Variants in LUZP2 observed in about 807,000 individuals in gnomAD.
The protein encoded by LUZP2 is leucine zipper protein 2.
A neutral mutation model predicts 51.6 loss-of-function variants in LUZP2; 52 were observed. The observed-to-expected ratio is 1.01, with a 90% CI of 0.81 to 1.27. LUZP2 has a LOEUF of 1.27. Among genes scored for constraint, LUZP2 ranks in the 50% most tolerant of loss-of-function variants. The pLI is 0.00. For missense variants in LUZP2, 436 were observed against 395.4 expected (o/e 1.10, Z -0.87); for synonymous variants, 154 against 137.3 (o/e 1.12, Z -0.85).
chr11:24,691,669 G>T (rs1857070330), intron 1 of LUZP2, among the ~76,000 whole-genome samples: 1 of 151,944 alleles, frequency 6.6e-6, no homozygotes, highest in African/African-American at 2.4e-5. Context: ...AAGAAAAAGA[G>T]CAAAGAGTAC....
intron 1 of LUZP2, among the ~76,000 whole-genome samples, chr11:24,526,178 T>C (rs1188745794): frequency 6.6e-6 from 1 of 150,900 alleles, no homozygotes; most frequent in Non-Finnish European, 1.5e-5. Flanking sequence ...CATTCTGCTA[T>C]GAAGTGCTCC....
intron 1 of LUZP2, among the ~76,000 whole-genome samples, chr11:24,576,710 TC>T (rs1416915797): frequency 6.6e-6 from 1 of 152,064 alleles, no homozygotes; most frequent in African/African-American, 2.4e-5. Flanking sequence ...ATAGTAATTT[TC>T]TTTTATAATG....
intron 7 of LUZP2, among the ~76,000 whole-genome samples, chr11:24,958,021 G>T (rs545490719): frequency 6.6e-6 from 1 of 152,054 alleles, no homozygotes; most frequent in South Asian, 2.1e-4. Flanking sequence ...TTGTTCTTGC[G>T]ATAGTTTACT....
chr11:24,533,576 GT>G (rs1178363441), intron 1 of LUZP2, among the ~76,000 whole-genome samples: 1 of 151,110 alleles, frequency 6.6e-6, no homozygotes, highest in Non-Finnish European at 1.5e-5. Flanking sequence ...AAAATATTTT[GT>G]TCTCCTGATA....
chr11:24,981,096 C>G (rs1856014184), intron 8 of LUZP2, among the ~76,000 whole-genome samples: 1 of 151,806 alleles, frequency 6.6e-6, no homozygotes, highest in East Asian at 1.9e-4. Context: ...CAGTTGAAAA[C>G]AAATGACACC....
At chr11:25,042,730 C>A (rs886872810) in intron 9 of LUZP2, among the ~76,000 whole-genome samples, 1 of 152,118 alleles carries the variant, frequency 6.6e-6, no homozygotes, top group African/African-American at 2.4e-5. Context: ...TCTGGGGATA[C>A]CTGGGCTTGT....
intron 1 of LUZP2, among the ~76,000 whole-genome samples, chr11:24,632,715 A>G (rs748116638): frequency 2.0e-5 from 3 of 152,014 alleles, no homozygotes; most frequent in Non-Finnish European, 4.4e-5. Flanking sequence ...ATAAACAATT[A>G]CAGTGGACTG....
Position 24,918,613 on chromosome 11 carries a change from T to C in LUZP2, c.522+4075T>C, listed in dbSNP as rs532103333. On this transcript the variant is annotated intron_variant, in intron 7 of 11. Coordinates refer to ENST00000336930, the MANE Select transcript of LUZP2 (RefSeq NM_001009909.4). ...AACCCACAGCCAAAATCATGCTTTT[T>C]TTAGATTTGACAAATGTAATTCTTT... Among the ~76,000 whole-genome samples the C allele has an allele frequency of 4.3e-4, 65 of 151,728 alleles. 1 individual carries two copies. In the Admixed American group the frequency reaches 4.3e-3, roughly 10 times the overall value.
rs775541532 is a variant in LUZP2 at position 24,891,038 on chromosome 11, C to G, written c.397-14953C>G. On this transcript the variant is annotated intron_variant, in intron 5 of 11. Transcript: ENST00000336930. ...TCTACGTTTATTCATGGAAGGAACT[C>G]AAATGTTAAAAAGTTATAAATAGCT... 70 of 983,090 alleles carry G rather than the reference C, an allele frequency of 7.1e-5. 1 individual carries two copies. Among genetic ancestry groups the G allele is most frequent in the Non-Finnish European group, 7.8e-5 (65 of 828,802 alleles). 60.9% of individuals were successfully genotyped at this position (983,090 alleles called of 1,614,324 possible).
intron 10 of LUZP2, among the ~76,000 whole-genome samples, chr11:25,072,578 T>A (rs766910223): frequency 6.6e-5 from 10 of 152,120 alleles, no homozygotes; most frequent in Non-Finnish European, 1.0e-4. Flanking sequence ...TAAAATTATA[T>A]TTACTCTTTA....
intron 1 of LUZP2, among the ~76,000 whole-genome samples, chr11:24,650,226 G>A (rs2133961220): frequency 1.3e-5 from 2 of 152,064 alleles, no homozygotes; most frequent in African/African-American, 4.8e-5. Flanking sequence ...AGAGATGTGA[G>A]TCAAAAATAT....
At chr11:24,638,068 A>C (rs1348653808) in intron 1 of LUZP2, among the ~76,000 whole-genome samples, 1 of 151,800 alleles carries the variant, frequency 6.6e-6, no homozygotes, top group Non-Finnish European at 1.5e-5. Context: ...GCCAACACTT[A>C]GGGAAAATAG....
At chr11:24,980,188 T>A (rs1855987019) in intron 8 of LUZP2, among the ~76,000 whole-genome samples, 1 of 151,736 alleles carries the variant, frequency 6.6e-6, no homozygotes. Context: ...TAAGGTAACA[T>A]GAAAAACATC....
chr11:24,743,568 A>G (rs1478307579), intron 4 of LUZP2, among the ~76,000 whole-genome samples: 3 of 152,132 alleles, frequency 2.0e-5, no homozygotes, highest in Non-Finnish European at 4.4e-5. Context: ...GAATTCTTTT[A>G]TCAGTTCTAG....
At chr11:24,954,296 T>C (rs920950701) in intron 7 of LUZP2, among the ~76,000 whole-genome samples, 1 of 152,070 alleles carries the variant, frequency 6.6e-6, no homozygotes, top group African/African-American at 2.4e-5. Flanking sequence ...GAGGTTGCCA[T>C]GAAGCAATAT....
At chr11:24,624,736 A>G (rs1854619345) in intron 1 of LUZP2, among the ~76,000 whole-genome samples, 1 of 152,180 alleles carries the variant, frequency 6.6e-6, no homozygotes, top group Non-Finnish European at 1.5e-5. Flanking sequence ...CTGTGTAGTC[A>G]TGGATGGCTA....
At chr11:24,857,178 G>A (rs1333563548) in intron 5 of LUZP2, among the ~76,000 whole-genome samples, 1 of 151,450 alleles carries the variant, frequency 6.6e-6, no homozygotes, top group Non-Finnish European at 1.5e-5. Flanking sequence ...CTTCATTGGA[G>A]GTAACAAGAT....
At chr11:25,045,751 G>A (rs184181104) in intron 9 of LUZP2, among the ~76,000 whole-genome samples, 3 of 151,964 alleles carry the variant, frequency 2.0e-5, no homozygotes, top group Admixed American at 2.0e-4. Flanking sequence ...ACTGGTTGAT[G>A]TTTTCCTTCT....
intron 6 of LUZP2, among the ~76,000 whole-genome samples, chr11:24,910,309 T>G (rs367741109): frequency 6.6e-6 from 1 of 152,116 alleles, no homozygotes; most frequent in South Asian, 2.1e-4. Flanking sequence ...GAAATTTGCA[T>G]AAGTAATGAG....
Sources: gnomAD v4.1 joint callset for allele counts (sites outside exome capture counted in the v4.1 genomes callset) on GRCh38, gnomAD v4.1.1 for gene constraint, MANE v1.5 for transcripts, NCBI Gene and HGNC (gene_info 2026-07-23, HGNC 2026-07-21) for gene names.